HEATR5A: variants seen among roughly 807,000 people sequenced by gnomAD.
HEATR5A encodes HEAT repeat containing 5A.
HEATR5A carries 178 observed loss-of-function variants against 218.8 expected under a neutral mutation model. The ratio of observed to expected loss-of-function variants is 0.81; its 90% CI spans 0.72 to 0.92. The LOEUF (loss-of-function observed/expected upper bound fraction) is 0.92. Ranked by LOEUF, HEATR5A falls within the 40% of genes least tolerant of loss-of-function variation. HEATR5A has a pLI of 0.00. For missense variants in HEATR5A, 2,420 were observed against 2,418.9 expected (o/e 1.00, Z -0.01); for synonymous variants, 864 against 871.6 (o/e 0.99, Z 0.15).
intron 1 of HEATR5A, among the ~76,000 whole-genome samples, chr14:31,412,768 G>T (rs904818357): frequency 6.6e-6 from 1 of 152,250 alleles, no homozygotes; most frequent in Non-Finnish European, 1.5e-5. Context: ...AGCTACTTGG[G>T]AGGCTTGAGG....
chr14:31,392,001 T>G (rs997801855), intron 6 of HEATR5A, among the ~76,000 whole-genome samples: 37 of 152,220 alleles, frequency 2.4e-4, no homozygotes, highest in African/African-American at 8.7e-4. Context: ...TATGCATGAC[T>G]GCATCTACCT....
intron 10 of HEATR5A, among the ~76,000 whole-genome samples, chr14:31,381,359 A>G (rs1364092600): frequency 1.3e-5 from 2 of 152,098 alleles, no homozygotes; most frequent in Admixed American, 1.3e-4. Flanking sequence ...CTCATACTGA[A>G]GAGTGAAATT....
At chr14:31,368,834 T>C (rs1901908738) in intron 13 of HEATR5A, among the ~76,000 whole-genome samples, 1 of 151,780 alleles carries the variant, frequency 6.6e-6, no homozygotes, top group South Asian at 2.1e-4. Context: ...AGCACTAGGA[T>C]TACAGGCATG....
chr14:31,383,544 C>T lies in HEATR5A; in HGVS notation c.1573G>A (p.Gly525Arg). The change falls in exon 10 of 36, where the codon GGA becomes AGA. Residue 525 changes from glycine to arginine, a missense_variant. Coordinates refer to ENST00000543095, the MANE Select transcript of HEATR5A (RefSeq NM_015473.4). Reference protein sequence around the residue: ...LLGAVKHCPLGIPHGKGKIIM... With the variant: ...LLGAVKHCPLRIPHGKGKIIM... ...ACCTTGCCTTTTCCATGAGGAATTC[C>T]TAAAGGACAATGTTTTACTGCTCCC... 1 of 1,613,286 alleles carries T rather than the reference C, an allele frequency of 6.2e-7. No individual in the cohort carries two copies. Among genetic ancestry groups the T allele is most frequent in the Non-Finnish European group, 8.5e-7 (1 of 1,179,380 alleles).
In HEATR5A at chr14:31,383,869, A is replaced by AT. The variant is rs1427763869; in HGVS notation, c.1346-99dup. On this transcript the variant is annotated intron_variant, in intron 9 of 35. Transcript: ENST00000543095. ...ACATAGCCACATGGATATAAAATAT[A>AT]TTTTTATCAAAAGCCACATTATAAT... is the stretch of plus-strand genomic sequence containing the variant. 9.8e-6 allele frequency: 9 copies of AT among 919,850 alleles called. No homozygotes were observed. In the African/African-American group the frequency reaches 1.5e-4, roughly 15 times the overall value. 57.0% of individuals were successfully genotyped at this position (919,850 alleles called of 1,614,324 possible).
At chr14:31,373,075 C>T (rs1342530825) in intron 12 of HEATR5A, among the ~76,000 whole-genome samples, 3 of 152,018 alleles carry the variant, frequency 2.0e-5, no homozygotes, top group African/African-American at 7.2e-5. Context: ...GCATGCACCA[C>T]CATGTCTGGC....
In HEATR5A at chr14:31,305,114, C is replaced by T; in HGVS notation, c.5030G>A (p.Gly1677Glu). 6.2e-7 allele frequency: 1 copy of T among 1,613,974 alleles called. No homozygotes were observed. Among genetic ancestry groups the T allele is most frequent in the African/African-American group, 1.3e-5 (1 of 75,062 alleles). The part of the protein sequence containing the change: ...PEFGEGKDTG[G>E]LVPGKSLVFA... ...GACCAAAGACTTTCCAGGCACAAGTCCTCCGGTGTCCTTTCCCTCTCCAAA... is the reference window on the plus strand; with the variant it reads ...GACCAAAGACTTTCCAGGCACAAGTTCTCCGGTGTCCTTTCCCTCTCCAAA... The change falls in exon 32 of 36, where the codon GGA (glycine) becomes GAA (glutamate). Residue 1677 changes from glycine to glutamate, a missense_variant. Physicochemically the swap from Gly to Glu is moderately conservative, Grantham distance 98. Coordinates refer to ENST00000543095, the MANE Select transcript of HEATR5A (RefSeq NM_015473.4).
rs535842787 is a variant in HEATR5A at position 31,363,250 on chromosome 14, A to AG, written c.2071+938_2071+939insC. 2.3e-3 allele frequency among the ~76,000 whole-genome samples: 350 copies of AG among 152,150 alleles called. 2 individuals carry two copies. Among genetic ancestry groups the AG allele is most frequent in the African/African-American group, 7.7e-3 (320 of 41,486 alleles). ...CAAGACTCTGTCTCCAAAAAAAAAA[A>AG]AAAAGTTTATTTTAGTCTGAAAATA... On this transcript the variant is annotated intron_variant, in intron 14 of 35. Coordinates refer to ENST00000543095, the MANE Select transcript of HEATR5A (RefSeq NM_015473.4).
intron 29 of HEATR5A, among the ~76,000 whole-genome samples, chr14:31,308,511 A>C: frequency 6.6e-6 from 1 of 151,794 alleles, no homozygotes; most frequent in South Asian, 2.1e-4. Flanking sequence ...CTGTCTAAAA[A>C]AAAAAAAAAA....
intron 21 of HEATR5A, among the ~76,000 whole-genome samples, chr14:31,339,449 C>CAAAAAAAAA (rs55998911): frequency 1.5e-5 from 1 of 67,428 alleles, no homozygotes; most frequent in Non-Finnish European, 2.6e-5. Context: ...AACTGTGTCT[C>CAAAAAAAAA]AAAAAAAAAA....
chr14:31,377,580 A>C (rs1336518601), intron 11 of HEATR5A, among the ~76,000 whole-genome samples: 1 of 152,118 alleles, frequency 6.6e-6, no homozygotes, highest in Non-Finnish European at 1.5e-5. Context: ...GCTTGAGTCC[A>C]GGAGTTTAAG....
At chr14:31,364,134 T>A in intron 14 of HEATR5A, 55 bp downstream of exon 14, 1 of 701,306 alleles carries the variant, frequency 1.4e-6, no homozygotes, top group Non-Finnish European at 2.4e-6. Context: ...ATAACTATTG[T>A]TCCAGAAACC....
At chr14:31,327,024 G>A (rs1900290919) in intron 22 of HEATR5A, among the ~76,000 whole-genome samples, 1 of 151,662 alleles carries the variant, frequency 6.6e-6, no homozygotes, top group South Asian at 2.1e-4. Context: ...ACCCAAGATG[G>A]AGTGAAGTGG....
chr14:31,341,459 T>C (rs1430155500), intron 21 of HEATR5A, among the ~76,000 whole-genome samples: 1 of 152,112 alleles, frequency 6.6e-6, no homozygotes, highest in Admixed American at 6.6e-5. Context: ...AGTGGCGCAA[T>C]CATGGCTCAC....
intron 13 of HEATR5A, among the ~76,000 whole-genome samples, chr14:31,366,197 C>G (rs1160647511): frequency 6.6e-6 from 1 of 152,068 alleles, no homozygotes; most frequent in Non-Finnish European, 1.5e-5. Flanking sequence ...TCGCTTGAGC[C>G]CACGAGTTTG....
chr14:31,406,336 G>C (rs951266551), intron 1 of HEATR5A, among the ~76,000 whole-genome samples: 1 of 151,984 alleles, frequency 6.6e-6, no homozygotes, highest in Non-Finnish European at 1.5e-5. Flanking sequence ...CTTGAAAAAA[G>C]GATTTCATAA....
At chr14:31,395,902 G>C (rs148186576) in intron 4 of HEATR5A, among the ~76,000 whole-genome samples, 4 of 152,270 alleles carry the variant, frequency 2.6e-5, no homozygotes, top group East Asian at 3.9e-4. Flanking sequence ...AAAAGTCTTG[G>C]CTTTAGAATT....
chr14:31,382,134 T>C (rs551250000), intron 10 of HEATR5A, among the ~76,000 whole-genome samples: 105 of 152,302 alleles, frequency 6.9e-4, no homozygotes, highest in African/African-American at 2.3e-3. Flanking sequence ...CCAAATATAA[T>C]ATGGGAATGG....
chr14:31,398,896 C>T, intron 3 of HEATR5A, 115 bp from the exon 4 acceptor site: 1 of 632,502 alleles, frequency 1.6e-6, no homozygotes, highest in South Asian at 2.0e-5. Context: ...TGTCTTTTTA[C>T]TTTCTTTGTA....
Sources: allele counts gnomAD v4.1 joint callset (sites outside exome capture counted in the v4.1 genomes callset), GRCh38; gene constraint gnomAD v4.1.1; transcripts MANE v1.5; gene names NCBI Gene and HGNC (gene_info 2026-07-23, HGNC 2026-07-21).